The following PCDHGA5 variants were observed in gnomAD, a reference collection of about 807,000 sequenced individuals.
PCDHGA5 encodes protocadherin gamma-A5.
PCDHGA5 carries 36 observed loss-of-function variants against 56.7 expected under a neutral mutation model. The observed-to-expected ratio is 0.64, with a 90% confidence interval of 0.49 to 0.84. The LOEUF is 0.84. Ranked by LOEUF, PCDHGA5 falls within the 40% of genes least tolerant of loss-of-function variation. The pLI is 0.00. For missense variants in PCDHGA5, 1,305 were observed against 1,201.5 expected (o/e 1.09, Z -1.27); for synonymous variants, 563 against 520.2 (o/e 1.08, Z -1.12).
chr5:141,422,175 T>G (rs2096631593), intron 1 of PCDHGA5: 1 of 1,564,276 alleles, frequency 6.4e-7, no homozygotes, highest in Non-Finnish European at 8.6e-7. Context: ...ATAGATTCTA[T>G]GAGATGGAAA....
chr5:141,428,040 G>T, intron 1 of PCDHGA5: 1 of 1,608,668 alleles, frequency 6.2e-7, no homozygotes, highest in Non-Finnish European at 8.5e-7. Flanking sequence ...CGGCTACCTG[G>T]TGACCAAGGT....
intron 1 of PCDHGA5, among the ~76,000 whole-genome samples, chr5:141,470,504 G>A (rs914828244): frequency 6.6e-6 from 1 of 152,114 alleles, no homozygotes; most frequent in Admixed American, 6.6e-5. Flanking sequence ...TAGGTAATTA[G>A]ACAGTTAGCT....
Position 141,489,557 on chromosome 5 carries a change from T to C in PCDHGA5, c.2422-5250T>C, listed in dbSNP as rs150797955. 54 of 1,613,956 alleles carry C rather than the reference T, an allele frequency of 3.3e-5. 1 individual carries two copies. Among genetic ancestry groups the C allele is most frequent in the Non-Finnish European group, 4.3e-5 (51 of 1,180,004 alleles). On this transcript the variant is annotated intron_variant, in intron 1 of 3. Coordinates refer to ENST00000518069, the MANE Select transcript of PCDHGA5 (RefSeq NM_018918.3). The surrounding 1 kb of genome is among the most constrained non-coding windows in gnomAD (Gnocchi z 4.5). ...GCCAGCACCAGCTGCCTGCTGCCAG[T>C]GCAGGTGGTGACTGAACACCCCCTG...
At chr5:141,418,196 C>G in intron 1 of PCDHGA5, 1 of 1,614,032 alleles carries the variant, frequency 6.2e-7, no homozygotes, top group Non-Finnish European at 8.5e-7. Context: ...GGTGGAAAAT[C>G]CTTTAAATAT....
At chr5:141,458,437 C>T (rs777855535) in intron 1 of PCDHGA5, among the ~76,000 whole-genome samples, 1 of 152,026 alleles carries the variant, frequency 6.6e-6, no homozygotes, top group Non-Finnish European at 1.5e-5. Flanking sequence ...AGAGGAGGTC[C>T]CCCACATTAA....
intron 1 of PCDHGA5, chr5:141,419,237 C>A (rs2096348240): frequency 6.2e-7 from 1 of 1,613,988 alleles, no homozygotes; most frequent in Non-Finnish European, 8.5e-7. Flanking sequence ...CTACCTGGTC[C>A]ACGTGCCAGA....
In PCDHGA5 at chr5:141,487,268, G is replaced by A; in HGVS notation, c.2422-7539G>A. ...CCTCTACTTGGCTGTGTCCCTAGTG[G>A]CAATTTGCTTTGTCTCCTTTGGCTC... On this transcript the variant is annotated intron_variant, in intron 1 of 3. Transcript: ENST00000518069. This position sits in a 1 kb window ranked among gnomAD's most constrained non-coding sequence, Gnocchi z 5.0. 4 of 1,614,100 alleles carry A rather than the reference G, an allele frequency of 2.5e-6. No homozygotes were observed. The South Asian group carries it at 4.4e-5, about 18-fold the overall frequency.
intron 1 of PCDHGA5, chr5:141,475,956 G>T (rs2099382674): frequency 2.5e-6 from 2 of 805,186 alleles, no homozygotes; most frequent in South Asian, 1.9e-5. Flanking sequence ...TCTGCGCCCC[G>T]GGATGAGGCA....
In PCDHGA5 at chr5:141,431,482, G is replaced by C. The variant is rs781371030; in HGVS notation, c.2422-63325G>C. ...TGGATGCGAACGACAACGCACCAGCGTTTGCTCAGCCCGAGTACCGCGCGA... is the reference window on the plus strand; with the variant it reads ...TGGATGCGAACGACAACGCACCAGCCTTTGCTCAGCCCGAGTACCGCGCGA... On this transcript the variant is annotated intron_variant, in intron 1 of 3. Coordinates refer to ENST00000518069, the MANE Select transcript of PCDHGA5 (RefSeq NM_018918.3). The surrounding 1 kb of genome is among the most constrained non-coding windows in gnomAD (Gnocchi z 4.8). The C allele has an allele frequency of 6.8e-6, 11 of 1,613,800 alleles. No individual in the cohort carries two copies. The Admixed American group carries it at 1.3e-4, about 20-fold the overall frequency.
intron 1 of PCDHGA5, chr5:141,382,846 G>T: frequency 1.4e-6 from 2 of 1,475,644 alleles, no homozygotes; most frequent in Non-Finnish European, 9.1e-7. Context: ...GGATACACCC[G>T]CATTCTGAAG....
intron 1 of PCDHGA5, chr5:141,419,330 C>G (rs2096361200): frequency 1.9e-6 from 3 of 1,613,958 alleles, no homozygotes; most frequent in Non-Finnish European, 2.5e-6. Context: ...CTCCTACTCT[C>G]TCATTGCCAG....
At chr5:141,457,647 T>C (rs929739178) in intron 1 of PCDHGA5, among the ~76,000 whole-genome samples, 6 of 152,256 alleles carry the variant, frequency 3.9e-5, no homozygotes, top group Non-Finnish European at 8.8e-5. Context: ...ATTATTTGCA[T>C]GAAGTGCAGC....
intron 1 of PCDHGA5, among the ~76,000 whole-genome samples, chr5:141,452,388 A>G (rs892688242): frequency 3.9e-5 from 6 of 152,210 alleles, no homozygotes; most frequent in Non-Finnish European, 5.9e-5. Flanking sequence ...TAGTATTTAG[A>G]AACTAAGATC....
intron 1 of PCDHGA5, among the ~76,000 whole-genome samples, chr5:141,437,807 G>T (rs910427301): frequency 6.7e-6 from 1 of 149,476 alleles, no homozygotes; most frequent in Non-Finnish European, 1.5e-5. Flanking sequence ...GCACTATCTT[G>T]GCTCACTGCA....
rs755169934 is a variant in PCDHGA5 at position 141,384,350 on chromosome 5, A to T, written c.2421+17599A>T. On this transcript the variant is annotated intron_variant, in intron 1 of 3. Coordinates refer to ENST00000518069, the MANE Select transcript of PCDHGA5 (RefSeq NM_018918.3). Reference sequence around the variant, plus strand: ...GCACAGGACCACGACAGTGAGGATAATGCCCAGATCACTTATTCCTTGGCC... The same window carrying T: ...GCACAGGACCACGACAGTGAGGATATTGCCCAGATCACTTATTCCTTGGCC... The T allele has an allele frequency of 1.9e-6, 3 of 1,613,690 alleles. No homozygotes were observed. In the African/African-American group the frequency reaches 4.0e-5, roughly 22 times the overall value.
intron 2 of PCDHGA5, among the ~76,000 whole-genome samples, chr5:141,495,662 C>G (rs545912968): frequency 6.6e-6 from 1 of 152,138 alleles, no homozygotes; most frequent in Admixed American, 6.6e-5. Flanking sequence ...TGATCTGTGC[C>G]GCCCACTGTG....
At chr5:141,375,793 C>G (rs761231690) in intron 1 of PCDHGA5, 1 of 1,614,110 alleles carries the variant, frequency 6.2e-7, no homozygotes, top group Non-Finnish European at 8.5e-7. Context: ...TCCCCACAGA[C>G]GGTTCCACTG....
Position 141,477,650 on chromosome 5 carries a change from A to C in PCDHGA5, c.2422-17157A>C. The C allele has an allele frequency of 6.2e-7, 1 of 1,614,210 alleles. No homozygotes were observed. Among genetic ancestry groups the C allele is most frequent in the Non-Finnish European group, 8.5e-7 (1 of 1,180,036 alleles). On this transcript the variant is annotated intron_variant, in intron 1 of 3. Coordinates refer to ENST00000518069, the MANE Select transcript of PCDHGA5 (RefSeq NM_018918.3). The surrounding 1 kb of genome is among the most constrained non-coding windows in gnomAD (Gnocchi z 4.9). The stretch of plus-strand genomic sequence containing the variant: ...CGGGCTAGTGGGTCGCTATTTCACA[A>C]TAAATCGTGACAATGGCATAGTGTC...
At chr5:141,484,921 T>A in intron 1 of PCDHGA5, 1 of 478,304 alleles carries the variant, frequency 2.1e-6, no homozygotes, top group South Asian at 2.8e-5. Flanking sequence ...TTAACCCTGC[T>A]GCTGTTGGGA....
Sources: allele counts gnomAD v4.1 joint callset (sites outside exome capture counted in the v4.1 genomes callset), GRCh38; gene constraint gnomAD v4.1.1; non-coding constraint Gnocchi (gnomAD v3.1); transcripts MANE v1.5; gene names NCBI Gene and HGNC (gene_info 2026-07-23, HGNC 2026-07-21).